The following SGCZ variants were observed in gnomAD, a reference collection of about 807,000 sequenced individuals.
SGCZ encodes zeta-sarcoglycan.
Under a neutral mutation model 41.3 loss-of-function variants are expected in SGCZ, and 40 were observed. That is an observed-to-expected ratio of 0.97 (90% CI 0.75 to 1.26). The LOEUF (loss-of-function observed/expected upper bound fraction) is 1.26. Ranked by LOEUF, SGCZ falls within the 50% of genes most tolerant of loss-of-function variation. The pLI is 0.00. For synonymous variants in SGCZ, 206 were observed against 137.5 expected, an observed-to-expected ratio of 1.50 and a Z score of -3.49; for missense variants, 552 against 369.8, an observed-to-expected ratio of 1.49 and a Z score of -4.04.
chr8:14,567,231 C>A (rs1804399202), intron 1 of SGCZ, among the ~76,000 whole-genome samples: 1 of 152,224 alleles, frequency 6.6e-6, no homozygotes, highest in South Asian at 2.1e-4. Flanking sequence ...AGGCGCACGG[C>A]TTGGGACTTG....
At chr8:14,872,330 CAT>C (rs1194775410) in intron 1 of SGCZ, among the ~76,000 whole-genome samples, 3 of 151,984 alleles carry the variant, frequency 2.0e-5, no homozygotes, top group Non-Finnish European at 2.9e-5. Context: ...TTTAAAAAAA[CAT>C]AGAAATATAA....
chr8:14,100,326 T>C (rs1026361989), intron 7 of SGCZ, among the ~76,000 whole-genome samples: 9 of 151,348 alleles, frequency 5.9e-5, no homozygotes, highest in Admixed American at 5.3e-4. Context: ...TGTAAATGAT[T>C]CTTATATGGG....
chr8:14,862,438 C>A (rs1462255463), intron 1 of SGCZ, among the ~76,000 whole-genome samples: 1 of 151,026 alleles, frequency 6.6e-6, no homozygotes, highest in East Asian at 2.0e-4. Flanking sequence ...TGGTATAATG[C>A]ACGAATTATT....
chr8:15,021,772 T>C (rs1341914393), intron 1 of SGCZ, among the ~76,000 whole-genome samples: 4 of 152,220 alleles, frequency 2.6e-5, no homozygotes, highest in African/African-American at 9.6e-5. Flanking sequence ...AGCCAAATGG[T>C]CTATATTTGT....
intron 1 of SGCZ, among the ~76,000 whole-genome samples, chr8:14,783,056 T>A (rs934480352): frequency 6.6e-6 from 1 of 152,240 alleles, no homozygotes; most frequent in African/African-American, 2.4e-5. Context: ...TTTTACAAAT[T>A]TATTCTTTAC....
intron 1 of SGCZ, among the ~76,000 whole-genome samples, chr8:15,111,486 G>A (rs968297678): frequency 2.6e-5 from 4 of 152,172 alleles, no homozygotes; most frequent in Admixed American, 2.6e-4. Context: ...CACACATTTA[G>A]GGGGTAGCCA....
chr8:14,492,918 A>G (rs1801882334), intron 2 of SGCZ, among the ~76,000 whole-genome samples: 1 of 151,954 alleles, frequency 6.6e-6, no homozygotes, highest in African/African-American at 2.4e-5. Flanking sequence ...GTCTTTTCAG[A>G]TTTTACCTTC....
Position 14,777,318 on chromosome 8 carries a change from G to A in SGCZ, c.40-222392C>T, listed in dbSNP as rs149219024. On this transcript the variant is annotated intron_variant, in intron 1 of 7. Transcript: ENST00000382080. ...TGTTATAATTACAGATATCATAAAC[G>A]AGTAATATTAACGACATTTAATTTG... Among the ~76,000 whole-genome samples, 1,226 of 152,066 alleles carry A rather than the reference G, an allele frequency of 8.1e-3. 17 individuals carry two copies. The highest frequency in any genetic ancestry group is 0.019 in the African/African-American group (789 of 41,474).
At chr8:14,296,095 A>T (rs1801001612) in intron 3 of SGCZ, among the ~76,000 whole-genome samples, 1 of 152,120 alleles carries the variant, frequency 6.6e-6, no homozygotes, top group Non-Finnish European at 1.5e-5. Context: ...CCAAACATGA[A>T]GTCTAAGGCT....
chr8:15,074,128 A>G (rs1233232328), intron 1 of SGCZ, among the ~76,000 whole-genome samples: 2 of 152,000 alleles, frequency 1.3e-5, no homozygotes, highest in East Asian at 1.9e-4. Context: ...CCCCCATCCA[A>G]CCGTCACTGA....
At chr8:14,793,961 G>C (rs924927007) in intron 1 of SGCZ, among the ~76,000 whole-genome samples, 16 of 152,080 alleles carry the variant, frequency 1.1e-4, no homozygotes, top group African/African-American at 3.9e-4. Flanking sequence ...TACTATACCA[G>C]CCAGATTATA....
intron 1 of SGCZ, among the ~76,000 whole-genome samples, chr8:14,714,069 G>A (rs898503223): frequency 6.6e-6 from 1 of 152,086 alleles, no homozygotes; most frequent in Non-Finnish European, 1.5e-5. Context: ...CTTGGTTGAA[G>A]CAATTCTTCT....
intron 1 of SGCZ, among the ~76,000 whole-genome samples, chr8:15,210,766 T>C (rs1801210597): frequency 6.6e-6 from 1 of 152,136 alleles, no homozygotes; most frequent in South Asian, 2.1e-4. Flanking sequence ...GCACCTCCTC[T>C]AGCTCTTAAA....
At chr8:14,891,101 G>A (rs1390561520) in intron 1 of SGCZ, among the ~76,000 whole-genome samples, 4 of 152,150 alleles carry the variant, frequency 2.6e-5, no homozygotes, top group African/African-American at 4.8e-5. Flanking sequence ...ATGTTTCCAT[G>A]CCTGCAAGAA....
chr8:14,587,677 A>G (rs1376786764), intron 1 of SGCZ, among the ~76,000 whole-genome samples: 1 of 152,206 alleles, frequency 6.6e-6, no homozygotes, highest in Non-Finnish European at 1.5e-5. Flanking sequence ...AAGCAGATGT[A>G]ATACTTCACC....
intron 2 of SGCZ, among the ~76,000 whole-genome samples, chr8:14,349,207 G>C (rs6530766): frequency 6.6e-6 from 1 of 151,998 alleles, no homozygotes; most frequent in Non-Finnish European, 1.5e-5. Flanking sequence ...AAATTAATTC[G>C]CATTACCAAA....
chr8:14,237,530 C>T lies in SGCZ; in HGVS notation c.424+62G>A, dbSNP rs1806808621. The T allele has an allele frequency of 3.4e-6, 5 of 1,479,560 alleles. No homozygotes were observed. The Admixed American group carries it at 9.0e-5, about 27-fold the overall frequency. 91.7% of individuals were successfully genotyped at this position (1,479,560 alleles called of 1,614,324 possible). A position where few individuals can be genotyped will look rare whatever the true frequency, so the allele number is the denominator to read the frequency against. On this transcript the variant is annotated intron_variant, in intron 4 of 7. Coordinates refer to ENST00000382080, the MANE Select transcript of SGCZ (RefSeq NM_139167.4). ...CAACGACAACAACAAGAACCAAAAA[C>T]CAAAAACAACAACAAAAAAAACCAA...
chr8:14,876,442 A>G (rs949119738), intron 1 of SGCZ, among the ~76,000 whole-genome samples: 4 of 152,164 alleles, frequency 2.6e-5, no homozygotes, highest in African/African-American at 9.6e-5. Context: ...TTCAGAAACT[A>G]GAGGAACAAC....
intron 1 of SGCZ, among the ~76,000 whole-genome samples, chr8:14,696,697 C>A (rs79979127): frequency 2.1e-4 from 32 of 152,036 alleles, no homozygotes; most frequent in African/African-American, 7.5e-4. Context: ...TTTTGAGTAG[C>A]CCCATTGTCT....
Sources: allele counts gnomAD v4.1 joint callset (sites outside exome capture counted in the v4.1 genomes callset), GRCh38; gene constraint gnomAD v4.1.1; transcripts MANE v1.5; gene names NCBI Gene and HGNC (gene_info 2026-07-23, HGNC 2026-07-21).